Variants in PSD3 observed in about 807,000 individuals in gnomAD.
The protein encoded by PSD3 is pleckstrin and Sec7 domain containing 3.
A neutral mutation model predicts 105.5 loss-of-function variants in PSD3; 49 were observed. The observed-to-expected ratio is 0.46, with a 90% CI of 0.37 to 0.59. The LOEUF is 0.59. PSD3 is among the 20% of genes least tolerant of loss of function. The pLI is 0.00. For missense variants in PSD3, 1,561 were observed against 1,263.8 expected (o/e 1.24, Z -3.57); for synonymous variants, 557 against 457.8 (o/e 1.22, Z -2.77).
chr8:18,886,395 A>G (rs1818453693), intron 2 of PSD3, among the ~76,000 whole-genome samples: 1 of 152,152 alleles, frequency 6.6e-6, no homozygotes, highest in South Asian at 2.1e-4. Flanking sequence ...TGGCGCGGGC[A>G]TCCCCGAATA....
intron 4 of PSD3, among the ~76,000 whole-genome samples, chr8:18,862,442 A>T (rs1052213682): frequency 2.0e-5 from 3 of 152,132 alleles, no homozygotes; most frequent in African/African-American, 7.2e-5. Context: ...GAGAAAAATG[A>T]GAACCTCTTT....
chr8:18,839,990 C>G (rs1426837577), intron 4 of PSD3, among the ~76,000 whole-genome samples: 1 of 152,148 alleles, frequency 6.6e-6, no homozygotes, highest in Non-Finnish European at 1.5e-5. Context: ...CTGTTGAATT[C>G]TACATAATAA....
chr8:18,961,915 G>C (rs1241298313), intron 1 of PSD3, among the ~76,000 whole-genome samples: 1 of 152,080 alleles, frequency 6.6e-6, no homozygotes, highest in Non-Finnish European at 1.5e-5. Context: ...TTGATGGCTT[G>C]CTTTCCTGCG....
intron 1 of PSD3, among the ~76,000 whole-genome samples, chr8:19,070,850 C>T (rs868254377): frequency 9.9e-5 from 15 of 152,138 alleles, no homozygotes; most frequent in Non-Finnish European, 1.8e-4. Context: ...GACATTGTAT[C>T]CAGATAATCA....
intron 9 of PSD3, among the ~76,000 whole-genome samples, chr8:18,761,187 G>C (rs780665759): frequency 2.6e-5 from 4 of 152,134 alleles, no homozygotes; most frequent in Admixed American, 6.5e-5. Flanking sequence ...AAGGTAAAAA[G>C]GTAAGGGTTA....
intron 10 of PSD3, among the ~76,000 whole-genome samples, chr8:18,646,661 A>C (rs938447469): frequency 6.6e-6 from 1 of 152,194 alleles, no homozygotes; most frequent in African/African-American, 2.4e-5. Flanking sequence ...TGGTACAACT[A>C]AATCAGTCTA....
chr8:18,693,024 A>G (rs1001307187), intron 9 of PSD3, among the ~76,000 whole-genome samples: 1 of 152,176 alleles, frequency 6.6e-6, no homozygotes, highest in Non-Finnish European at 1.5e-5. Flanking sequence ...GTTTAGAAAA[A>G]TCTGAAACAG....
intron 8 of PSD3, among the ~76,000 whole-genome samples, chr8:18,783,096 C>T (rs1808794446): frequency 6.6e-6 from 1 of 152,158 alleles, no homozygotes; most frequent in Non-Finnish European, 1.5e-5. Context: ...AATGTCGATG[C>T]AATTCACAAG....
intron 9 of PSD3, among the ~76,000 whole-genome samples, chr8:18,711,717 T>C (rs574220314): frequency 1.3e-5 from 2 of 152,122 alleles, no homozygotes; most frequent in African/African-American, 4.8e-5. Flanking sequence ...ATCAGACAGA[T>C]CGTCAAGAGA....
At chr8:18,658,682 C>G (rs1045569782) in intron 9 of PSD3, among the ~76,000 whole-genome samples, 2 of 152,048 alleles carry the variant, frequency 1.3e-5, no homozygotes, top group Non-Finnish European at 2.9e-5. Flanking sequence ...AACTCTTGAT[C>G]AATCCTACTC....
chr8:18,843,327 C>G (rs910328528), intron 4 of PSD3, among the ~76,000 whole-genome samples: 1 of 127,902 alleles, frequency 7.8e-6, no homozygotes, highest in East Asian at 2.0e-4. Context: ...CACGAGACTC[C>G]GTCTCAAAAA....
At chr8:18,724,126 T>C (rs1803181369) in intron 9 of PSD3, among the ~76,000 whole-genome samples, 1 of 152,168 alleles carries the variant, frequency 6.6e-6, no homozygotes, top group African/African-American at 2.4e-5. Flanking sequence ...AGCCTAGGGT[T>C]TGGATTCTTT....
At chr8:18,985,286 A>G (rs1825446467) in intron 1 of PSD3, among the ~76,000 whole-genome samples, 1 of 152,104 alleles carries the variant, frequency 6.6e-6, no homozygotes, top group Admixed American at 6.5e-5. Context: ...TGGTTCTGGA[A>G]CTGAAACACT....
chr8:18,540,562 C>T (rs560989956), intron 15 of PSD3, among the ~76,000 whole-genome samples: 2 of 152,304 alleles, frequency 1.3e-5, no homozygotes, highest in Admixed American at 1.3e-4. Context: ...TTTCAGTCAG[C>T]AGGTTTTGTC....
chr8:18,617,306 G>C (rs974798823), intron 11 of PSD3, among the ~76,000 whole-genome samples: 1 of 152,138 alleles, frequency 6.6e-6, no homozygotes, highest in Non-Finnish European at 1.5e-5. Flanking sequence ...TGAGGTGGGT[G>C]AATCACCTGA....
chr8:18,691,705 T>C (rs2130995781), intron 9 of PSD3, among the ~76,000 whole-genome samples: 1 of 152,176 alleles, frequency 6.6e-6, no homozygotes. Context: ...TCCATAATTA[T>C]CTCTAACATC....
intron 9 of PSD3, among the ~76,000 whole-genome samples, chr8:18,701,877 C>T (rs181312224): frequency 5.3e-5 from 8 of 151,906 alleles, no homozygotes; most frequent in East Asian, 1.9e-4. Flanking sequence ...TTTTTTCAAC[C>T]GACAAAAAAA....
intron 4 of PSD3, among the ~76,000 whole-genome samples, chr8:18,859,053 T>C (rs1035414204): frequency 1.3e-5 from 2 of 152,092 alleles, no homozygotes; most frequent in Non-Finnish European, 2.9e-5. Flanking sequence ...ACACAATATA[T>C]TCCTTCCAAA....
intron 12 of PSD3, among the ~76,000 whole-genome samples, chr8:18,592,669 A>G (rs920891337): frequency 6.6e-5 from 10 of 152,112 alleles, no homozygotes; most frequent in African/African-American, 2.2e-4. Context: ...GACTGTGATG[A>G]TATGTTCAAG....
Sources: gnomAD v4.1 joint callset for allele counts (sites outside exome capture counted in the v4.1 genomes callset) on GRCh38, gnomAD v4.1.1 for gene constraint, MANE v1.5 for transcripts, NCBI Gene and HGNC (gene_info 2026-07-23, HGNC 2026-07-21) for gene names.